The following PSPC1 variants were observed in gnomAD, a reference collection of about 807,000 sequenced individuals.
The protein encoded by PSPC1 is paraspeckle protein 1.
PSPC1 carries 14 observed loss-of-function variants against 51.6 expected under a neutral mutation model. The ratio of observed to expected loss-of-function variants is 0.27; its 90% CI spans 0.18 to 0.42. The LOEUF is 0.42. Ranked by LOEUF, PSPC1 falls within the 10% of genes least tolerant of loss-of-function variation. The probability of loss-of-function intolerance (pLI) is 1.00; values close to 1 mark genes in which losing one functional copy is unlikely to be tolerated. For missense variants in PSPC1, 406 were observed against 701.1 expected (o/e 0.58, Z 4.75); for synonymous variants, 193 against 231.9 (o/e 0.83, Z 1.53).
intron 6 of PSPC1, among the ~76,000 whole-genome samples, chr13:19,690,101 T>C (rs985099304): frequency 2.0e-4 from 31 of 152,220 alleles, no homozygotes; most frequent in African/African-American, 7.5e-4. Flanking sequence ...TCCCAGTATT[T>C]GTAAAAGAGT....
intron 7 of PSPC1, among the ~76,000 whole-genome samples, chr13:19,707,743 C>T (rs1322698573): frequency 6.6e-6 from 1 of 152,070 alleles, no homozygotes; most frequent in African/African-American, 2.4e-5. Context: ...TGCAGAGTAT[C>T]TCTGCACCAT....
At chr13:19,708,655 T>C (rs1281854610) in intron 7 of PSPC1, among the ~76,000 whole-genome samples, 2 of 152,188 alleles carry the variant, frequency 1.3e-5, no homozygotes, top group East Asian at 3.9e-4. Context: ...ACACACATAA[T>C]TCCCTTGATG....
chr13:19,742,002 C>T (rs1276871242), intron 4 of PSPC1, among the ~76,000 whole-genome samples: 4 of 151,902 alleles, frequency 2.6e-5, no homozygotes, highest in Non-Finnish European at 4.4e-5. Context: ...CATGGTGGCG[C>T]GCGCCTGTAG....
At chr13:19,742,493 C>T (rs1362681602) in intron 4 of PSPC1, among the ~76,000 whole-genome samples, 3 of 151,650 alleles carry the variant, frequency 2.0e-5, no homozygotes, top group Non-Finnish European at 4.4e-5. Flanking sequence ...AATCTCAACA[C>T]TTTGGGAGGC....
chr13:19,699,983 G>C (rs1041960425), downstream of PSPC1, among the ~76,000 whole-genome samples: 3 of 151,792 alleles, frequency 2.0e-5, no homozygotes, highest in Admixed American at 6.6e-5. Context: ...AAAATGATGT[G>C]GCCCATTTAT....
At position 19,782,800 on chromosome 13, in the gene PSPC1, A is replaced by G; in HGVS notation, c.-43T>C. 1 of 1,501,242 alleles carries G rather than the reference A, an allele frequency of 6.7e-7. No individual in the cohort carries two copies. The highest frequency in any genetic ancestry group is 2.5e-5 in the East Asian group (1 of 39,790). The allele number at this position is 1,501,242 out of a possible 1,614,324, so 93.0% of individuals were successfully genotyped here. A position where few individuals can be genotyped will look rare whatever the true frequency, so the allele number is the denominator to read the frequency against. On this transcript the variant is annotated 5_prime_UTR_variant, in exon 1 of 9. Transcript: ENST00000338910. The surrounding 1 kb of genome is among the most constrained non-coding windows in gnomAD (Gnocchi z 4.5). ...GGACACCGGATACAGGCCTAGATTT[A>G]TAGACAGTGTGTCTATATATATGTA... is the stretch of plus-strand genomic sequence containing the variant.
chr13:19,777,299 G>A (rs576328651), intron 1 of PSPC1, among the ~76,000 whole-genome samples: 68 of 149,848 alleles, frequency 4.5e-4, no homozygotes, highest in Non-Finnish European at 8.9e-4. Context: ...GCATGAAGGC[G>A]GGCGCCTGTA....
At chr13:19,736,639 C>T (rs1593663892) in intron 5 of PSPC1, among the ~76,000 whole-genome samples, 2 of 152,148 alleles carry the variant, frequency 1.3e-5, no homozygotes, top group African/African-American at 4.8e-5. Context: ...GCCGAGATCG[C>T]GCCACTGCAC....
intron 6 of PSPC1, among the ~76,000 whole-genome samples, chr13:19,723,728 T>C (rs1412282495): frequency 6.6e-6 from 1 of 152,240 alleles, no homozygotes; most frequent in Non-Finnish European, 1.5e-5. Context: ...TATATATATG[T>C]TTGTTTTTAT....
intron 3 of PSPC1, among the ~76,000 whole-genome samples, chr13:19,754,479 C>G (rs1474931599): frequency 4.4e-5 from 6 of 136,512 alleles, no homozygotes; most frequent in Non-Finnish European, 7.7e-5. Context: ...TTGAGACAGT[C>G]TCGCTCTGTC....
chr13:19,674,463 G>A (rs997237308), downstream of PSPC1, among the ~76,000 whole-genome samples: 5 of 152,198 alleles, frequency 3.3e-5, no homozygotes, highest in African/African-American at 1.2e-4. Flanking sequence ...TTCTGAGTGA[G>A]TTCCGCTTGT....
At chr13:19,725,164 A>C (rs1278580621) in intron 6 of PSPC1, among the ~76,000 whole-genome samples, 4 of 152,158 alleles carry the variant, frequency 2.6e-5, no homozygotes, top group Non-Finnish European at 5.9e-5. Context: ...GCGACAGAGC[A>C]AGACTCCATC....
intron 5 of PSPC1, among the ~76,000 whole-genome samples, chr13:19,736,167 G>T (rs9579673): frequency 0.085 from 12,974 of 151,944 alleles, 594 homozygotes; most frequent in Middle Eastern, 0.13. Flanking sequence ...CTTAAATCAA[G>T]ATTCTTACAG....
intron 6 of PSPC1, among the ~76,000 whole-genome samples, chr13:19,716,573 G>A (rs1291795757): frequency 6.6e-6 from 1 of 152,076 alleles, no homozygotes; most frequent in African/African-American, 2.4e-5. Flanking sequence ...TTTAAGAATT[G>A]TCCAGGAATC....
At chr13:19,733,119 C>G (rs532799671) in intron 5 of PSPC1, among the ~76,000 whole-genome samples, 1 of 152,020 alleles carries the variant, frequency 6.6e-6, no homozygotes, top group Admixed American at 6.6e-5. Flanking sequence ...TATGTATACA[C>G]AGATATATAT....
chr13:19,675,213 C>G (rs1593501398), intron 7 of PSPC1: 1 of 152,366 alleles, frequency 6.6e-6, no homozygotes, highest in East Asian at 1.9e-4. Flanking sequence ...TTTTCTTATT[C>G]CCAATTTTGA....
At chr13:19,774,210 C>T (rs1209720012) in intron 1 of PSPC1, among the ~76,000 whole-genome samples, 1 of 152,134 alleles carries the variant, frequency 6.6e-6, no homozygotes, top group East Asian at 1.9e-4. Context: ...AAATAAGGAA[C>T]TGGTAAATTT....
intron 6 of PSPC1, chr13:19,679,107 T>A (rs1256892424): frequency 1.3e-5 from 2 of 152,212 alleles, no homozygotes; most frequent in Admixed American, 1.3e-4. Flanking sequence ...AATTATTTTT[T>A]ATATATTTCC....
intron 2 of PSPC1, among the ~76,000 whole-genome samples, chr13:19,765,080 T>G (rs966484410): frequency 2.6e-5 from 4 of 152,010 alleles, no homozygotes; most frequent in Non-Finnish European, 4.4e-5. Context: ...TTTATAAGCA[T>G]GGTTGAGAAT....
Sources: allele counts gnomAD v4.1 joint callset (sites outside exome capture counted in the v4.1 genomes callset), GRCh38; gene constraint gnomAD v4.1.1; non-coding constraint Gnocchi (gnomAD v3.1); transcripts MANE v1.5; gene names NCBI Gene and HGNC (gene_info 2026-07-23, HGNC 2026-07-21).